The following GABRB1 variants were observed in gnomAD, a reference collection of about 807,000 sequenced individuals.
GABRB1 encodes the protein gamma-aminobutyric acid receptor subunit beta-1.
GABRB1 carries 17 observed loss-of-function variants against 51.6 expected under a neutral mutation model. The ratio of observed to expected loss-of-function variants is 0.33; its 90% CI spans 0.23 to 0.49. GABRB1 has a LOEUF of 0.49. Among genes scored for constraint, GABRB1 ranks in the 20% least tolerant of loss-of-function variants. GABRB1 has a pLI of 0.99. For missense variants in GABRB1, 410 were observed against 600.6 expected (o/e 0.68, Z 3.32); for synonymous variants, 247 against 218.9 (o/e 1.13, Z -1.14).
At chr4:47,257,921 A>T (rs529606263) in intron 4 of GABRB1, among the ~76,000 whole-genome samples, 1 of 152,152 alleles carries the variant, frequency 6.6e-6, no homozygotes, top group South Asian at 2.1e-4. Flanking sequence ...TCAGCAAGAC[A>T]ACCAATTAAA....
intron 3 of GABRB1, among the ~76,000 whole-genome samples, chr4:47,076,190 C>T (rs1727541003): frequency 6.6e-6 from 1 of 152,198 alleles, no homozygotes; most frequent in Admixed American, 6.5e-5. Context: ...TGACCACCTG[C>T]TAGGCCTGGT....
chr4:47,392,416 C>T (rs1477119707), intron 5 of GABRB1, among the ~76,000 whole-genome samples: 2 of 149,694 alleles, frequency 1.3e-5, no homozygotes, highest in African/African-American at 2.5e-5. Flanking sequence ...AATCTCGGCT[C>T]ACTGCAACCT....
intron 4 of GABRB1, among the ~76,000 whole-genome samples, chr4:47,174,717 GC>G (rs1016372422): frequency 2.9e-4 from 44 of 152,080 alleles, no homozygotes; most frequent in African/African-American, 1.0e-3. Flanking sequence ...GAGACATATT[GC>G]CATCACAAGT....
intron 3 of GABRB1, among the ~76,000 whole-genome samples, chr4:47,055,209 C>T (rs555059626): frequency 2.0e-5 from 3 of 152,136 alleles, no homozygotes; most frequent in East Asian, 1.9e-4. Context: ...AATTGTTTGT[C>T]GAAAGAAAGG....
intron 4 of GABRB1, among the ~76,000 whole-genome samples, chr4:47,282,645 A>T (rs563709853): frequency 6.6e-6 from 1 of 152,300 alleles, no homozygotes; most frequent in African/African-American, 2.4e-5. Flanking sequence ...ATGGTGAGGA[A>T]ATTATTTTCT....
intron 5 of GABRB1, among the ~76,000 whole-genome samples, chr4:47,355,683 C>CTAAT (rs1457456383): frequency 6.6e-6 from 1 of 152,112 alleles, no homozygotes; most frequent in Non-Finnish European, 1.5e-5. Flanking sequence ...TTTGGTAGGC[C>CTAAT]TAATTACTGT....
intron 3 of GABRB1, among the ~76,000 whole-genome samples, chr4:47,118,677 C>T (rs1715612887): frequency 6.6e-6 from 1 of 152,046 alleles, no homozygotes; most frequent in East Asian, 1.9e-4. Context: ...AACTAGTAGC[C>T]TCAAAAATGC....
intron 1 of GABRB1, among the ~76,000 whole-genome samples, chr4:47,006,208 A>G (rs886948986): frequency 6.6e-6 from 1 of 151,922 alleles, no homozygotes; most frequent in African/African-American, 2.4e-5. Context: ...TTGATTTTAG[A>G]TTGGGTTCAT....
intron 5 of GABRB1, among the ~76,000 whole-genome samples, chr4:47,398,382 A>G (rs1412801030): frequency 6.6e-5 from 10 of 152,154 alleles, no homozygotes. Context: ...TCTGTTGTCC[A>G]ATGTCTTGGT....
At chr4:47,385,333 T>C (rs1727752359) in intron 5 of GABRB1, among the ~76,000 whole-genome samples, 1 of 152,250 alleles carries the variant, frequency 6.6e-6, no homozygotes, top group African/African-American at 2.4e-5. Flanking sequence ...TTGAGAAGGT[T>C]GTACCCAGAT....
intron 4 of GABRB1, among the ~76,000 whole-genome samples, chr4:47,301,355 G>A (rs1254333493): frequency 6.6e-6 from 1 of 152,114 alleles, no homozygotes; most frequent in Non-Finnish European, 1.5e-5. Flanking sequence ...ATTTTAATAA[G>A]ACTGGACATG....
Position 47,313,024 on chromosome 4 carries a change from T to C in GABRB1, c.462-7103T>C, listed in dbSNP as rs569938185. Reference sequence around the variant, plus strand: ...AATGACCATGCATCATTAACCTTAATAAATGAATACTACAGTGACATGATT... The same window carrying C: ...AATGACCATGCATCATTAACCTTAACAAATGAATACTACAGTGACATGATT... On this transcript the variant is annotated intron_variant, in intron 4 of 8. Coordinates refer to ENST00000295454, the MANE Select transcript of GABRB1 (RefSeq NM_000812.4). Among the ~76,000 whole-genome samples, 18 of 152,308 alleles carry C rather than the reference T, an allele frequency of 1.2e-4. No homozygotes were observed. In the South Asian group the frequency reaches 3.7e-3, roughly 32 times the overall value.
At chr4:47,420,930 A>G (rs543277796) in intron 8 of GABRB1, among the ~76,000 whole-genome samples, 1 of 123,992 alleles carries the variant, frequency 8.1e-6, no homozygotes, top group Non-Finnish European at 1.6e-5. Context: ...ATGAGCATGT[A>G]CATACACACA....
chr4:47,070,551 C>T (rs140376037), intron 3 of GABRB1, among the ~76,000 whole-genome samples: 3 of 152,208 alleles, frequency 2.0e-5, no homozygotes, highest in African/African-American at 7.2e-5. Context: ...AGGCTGTTCT[C>T]GAACTCCTGA....
At chr4:47,023,326 T>C (rs575979551) in intron 1 of GABRB1, among the ~76,000 whole-genome samples, 21 of 152,196 alleles carry the variant, frequency 1.4e-4, no homozygotes, top group African/African-American at 4.6e-4. Flanking sequence ...TTAAAGAGTG[T>C]TATTGGGCTG....
At chr4:47,205,611 T>C (rs1213566096) in intron 4 of GABRB1, among the ~76,000 whole-genome samples, 1 of 152,166 alleles carries the variant, frequency 6.6e-6, no homozygotes, top group Non-Finnish European at 1.5e-5. Context: ...CTCTCAGATT[T>C]TGGTATTGCA....
chr4:47,079,122 C>T (rs1009047327), intron 3 of GABRB1, among the ~76,000 whole-genome samples: 4 of 152,102 alleles, frequency 2.6e-5, no homozygotes, highest in African/African-American at 4.8e-5. Context: ...TGATGCTGGC[C>T]TCATAAAATG....
At chr4:47,418,016 G>A (rs981356554) in intron 8 of GABRB1, among the ~76,000 whole-genome samples, 1 of 152,114 alleles carries the variant, frequency 6.6e-6, no homozygotes, top group African/African-American at 2.4e-5. Context: ...TGGAAGGGGT[G>A]GAAGAAAGGC....
intron 3 of GABRB1, among the ~76,000 whole-genome samples, chr4:47,155,035 C>T (rs903407012): frequency 1.3e-5 from 2 of 151,998 alleles, no homozygotes; most frequent in East Asian, 3.9e-4. Context: ...TCAACTTTTT[C>T]GAGCCAGGCT....
Sources: allele counts gnomAD v4.1 joint callset (sites outside exome capture counted in the v4.1 genomes callset), GRCh38; gene constraint gnomAD v4.1.1; transcripts MANE v1.5; gene names NCBI Gene and HGNC (gene_info 2026-07-23, HGNC 2026-07-21).